Variants in BTBD9 observed in about 807,000 individuals in gnomAD.
BTBD9 encodes the protein BTB domain containing 9.
In BTBD9, 49 loss-of-function variants were observed where a neutral mutation model predicts 64.3. The ratio of observed to expected loss-of-function variants is 0.76; its 90% CI spans 0.61 to 0.97. The LOEUF is 0.97. Ranked by LOEUF, BTBD9 falls within the 50% of genes least tolerant of loss-of-function variation. The pLI, the probability that BTBD9 is intolerant of heterozygous loss-of-function variation, is 0.00. For synonymous variants in BTBD9, 260 were observed against 274.7 expected (o/e 0.95, Z 0.53); for missense variants, 598 against 762.1 (o/e 0.78, Z 2.53).
At chr6:38,282,417 T>C (rs1761549038) in intron 8 of BTBD9, among the ~76,000 whole-genome samples, 1 of 152,130 alleles carries the variant, frequency 6.6e-6, no homozygotes, top group African/African-American at 2.4e-5. Context: ...TCCTGTTAAA[T>C]GGTAAGTTAG....
intron 7 of BTBD9, among the ~76,000 whole-genome samples, chr6:38,322,790 T>C (rs995162099): frequency 6.6e-6 from 1 of 152,240 alleles, no homozygotes; most frequent in African/African-American, 2.4e-5. Flanking sequence ...ATAACTGATT[T>C]ACTACAAGAA....
intron 6 of BTBD9, among the ~76,000 whole-genome samples, chr6:38,478,791 T>C (rs1771005163): frequency 6.6e-6 from 1 of 152,222 alleles, no homozygotes; most frequent in Non-Finnish European, 1.5e-5. Flanking sequence ...GAGGAAACTC[T>C]GGAAATTATA....
In BTBD9 at chr6:38,334,605, C is replaced by G. The variant is rs868524377; in HGVS notation, c.1264+10379G>C. Among the ~76,000 whole-genome samples, 58 of 144,946 alleles carry G rather than the reference C, an allele frequency of 4.0e-4. 1 individual carries two copies. In the East Asian group the frequency reaches 5.4e-3, roughly 13 times the overall value. On this transcript the variant is annotated intron_variant, in intron 7 of 10. Coordinates refer to ENST00000481247, the MANE Select transcript of BTBD9 (RefSeq NM_001099272.2). ...CATAACATAACATAACATAACATAA[C>G]ATAACATAACATAACATAACATAAA...
intron 1 of BTBD9, among the ~76,000 whole-genome samples, chr6:38,611,985 T>G (rs989539672): frequency 2.6e-5 from 4 of 152,334 alleles, no homozygotes; most frequent in African/African-American, 9.6e-5. Context: ...ATAAATACTT[T>G]GAGTGGAATG....
At chr6:38,335,253 A>AT (rs1763848130) in intron 7 of BTBD9, among the ~76,000 whole-genome samples, 3 of 139,160 alleles carry the variant, frequency 2.2e-5, no homozygotes, top group Admixed American at 7.8e-5. Flanking sequence ...TTTAATTTTA[A>AT]ATTTTTTTTT....
At chr6:38,436,763 C>T (rs1328460924) in intron 6 of BTBD9, among the ~76,000 whole-genome samples, 2 of 152,190 alleles carry the variant, frequency 1.3e-5, no homozygotes, top group Non-Finnish European at 2.9e-5. Context: ...GTTTGAATGC[C>T]TTGCTTGCGC....
In BTBD9 at chr6:38,345,171, C is replaced by G. The variant is rs117046687; in HGVS notation, c.1155-78G>C. 1.0e-3 allele frequency: 896 copies of G among 891,190 alleles called. 7 individuals carry two copies. The East Asian group carries it at 0.017, about 17-fold the overall frequency. The allele number at this position is 891,190 out of a possible 1,614,324, so 55.2% of individuals were successfully genotyped here. ...AATCCAAGGATAACAGAGTAAGACA[C>G]GTCACCTAAACATAGAGTGCACCAG... On this transcript the variant is annotated intron_variant, in intron 6 of 10. Transcript: ENST00000481247.
intron 9 of BTBD9, among the ~76,000 whole-genome samples, chr6:38,226,687 G>T (rs1472208552): frequency 1.3e-5 from 2 of 152,210 alleles, no homozygotes; most frequent in Admixed American, 1.3e-4. Flanking sequence ...CCTGAGATTT[G>T]GGCATAAGAA....
intron 4 of BTBD9, among the ~76,000 whole-genome samples, chr6:38,585,656 T>C (rs1389680176): frequency 6.6e-6 from 1 of 152,168 alleles, no homozygotes; most frequent in Non-Finnish European, 1.5e-5. Context: ...TATTACTGTC[T>C]TTATGTGATA....
intron 6 of BTBD9, among the ~76,000 whole-genome samples, chr6:38,375,480 A>G (rs1427236791): frequency 6.6e-6 from 1 of 152,196 alleles, no homozygotes; most frequent in Non-Finnish European, 1.5e-5. Context: ...CATTAACTAC[A>G]GAGGATGAAA....
chr6:38,616,709 G>A (rs1162558921), intron 1 of BTBD9, among the ~76,000 whole-genome samples: 2 of 152,106 alleles, frequency 1.3e-5, no homozygotes, highest in African/African-American at 2.4e-5. Context: ...GGACAGAAAC[G>A]AAACATGGGA....
At chr6:38,549,744 T>C (rs1309532192) in intron 6 of BTBD9, among the ~76,000 whole-genome samples, 1 of 152,180 alleles carries the variant, frequency 6.6e-6, no homozygotes, top group Non-Finnish European at 1.5e-5. Context: ...AATAGTTGTC[T>C]ATACATGCTG....
rs77173872 is a variant in BTBD9, at chr6:38,613,664, T to C, written c.-27-15543A>G. Among the ~76,000 whole-genome samples the C allele has an allele frequency of 6.3e-3, 956 of 152,228 alleles. 9 individuals are homozygous for C. The highest frequency in any genetic ancestry group is 0.022 in the African/African-American group (896 of 41,536). On this transcript the variant is annotated intron_variant, in intron 1 of 10. Transcript: ENST00000481247. The stretch of plus-strand genomic sequence containing the variant: ...AATACAGCCCATATGGACACATGTA[T>C]TACTCAATGACAGCATTTTGTGTAT...
At chr6:38,558,759 T>G (rs917245561) in intron 6 of BTBD9, among the ~76,000 whole-genome samples, 1 of 152,164 alleles carries the variant, frequency 6.6e-6, no homozygotes, top group African/African-American at 2.4e-5. Context: ...GGAATTAACT[T>G]TTTGATGTGC....
intron 9 of BTBD9, among the ~76,000 whole-genome samples, chr6:38,195,896 G>A (rs1762260918): frequency 6.6e-6 from 1 of 152,242 alleles, no homozygotes; most frequent in Admixed American, 6.5e-5. Flanking sequence ...AGAATTTCAA[G>A]AGCCATTTAG....
chr6:38,464,599 G>A (rs542836029), intron 6 of BTBD9, among the ~76,000 whole-genome samples: 12 of 152,168 alleles, frequency 7.9e-5, no homozygotes, highest in Non-Finnish European at 1.2e-4. Flanking sequence ...GGGCTCAAGC[G>A]ATTCTCCTGC....
At chr6:38,211,435 G>GAAA (rs11451936) in intron 9 of BTBD9, among the ~76,000 whole-genome samples, 6 of 134,634 alleles carry the variant, frequency 4.5e-5, no homozygotes, top group Admixed American at 1.5e-4. Flanking sequence ...TCTCACAAAA[G>GAAA]AAAAAAAAAA....
At chr6:38,281,174 C>T (rs1008034124) in intron 8 of BTBD9, among the ~76,000 whole-genome samples, 6 of 152,242 alleles carry the variant, frequency 3.9e-5, no homozygotes, top group African/African-American at 1.4e-4. Flanking sequence ...TTTACAGTTC[C>T]TCTCCTTTTT....
intron 7 of BTBD9, among the ~76,000 whole-genome samples, chr6:38,344,404 C>T (rs895376492): frequency 6.6e-6 from 1 of 152,184 alleles, no homozygotes; most frequent in African/African-American, 2.4e-5. Context: ...GTATTTCCCA[C>T]CAAATAACTT....
Sources: allele counts gnomAD v4.1 joint callset (sites outside exome capture counted in the v4.1 genomes callset), GRCh38; gene constraint gnomAD v4.1.1; transcripts MANE v1.5; gene names NCBI Gene and HGNC (gene_info 2026-07-23, HGNC 2026-07-21).